The following PLCB4 variants were observed in gnomAD, a reference collection of about 807,000 sequenced individuals.
PLCB4 encodes phospholipase C beta 4.
PLCB4 carries 77 observed loss-of-function variants against 178.8 expected under a neutral mutation model. The observed-to-expected ratio is 0.43, with a 90% confidence interval of 0.36 to 0.52. PLCB4 has a LOEUF of 0.52. Among genes scored for constraint, PLCB4 ranks in the 20% least tolerant of loss-of-function variants. The pLI, the probability that PLCB4 is intolerant of heterozygous loss-of-function variation, is 0.00. For missense variants in PLCB4, 1,024 were observed against 1,453.4 expected, an observed-to-expected ratio of 0.70 and a Z score of 4.80; for synonymous variants, 496 against 490.8, an observed-to-expected ratio of 1.01 and a Z score of -0.14.
At chr20:9,203,782 T>TA (rs1480107401) in intron 2 of PLCB4, among the ~76,000 whole-genome samples, 12 of 42,350 alleles carry the variant, frequency 2.8e-4, no homozygotes, top group African/African-American at 2.1e-3. Flanking sequence ...ATAGTGTTTT[T>TA]TTTTTTTTTT....
In PLCB4 at chr20:9,347,372, T is replaced by C. The variant is rs184617870; in HGVS notation, c.369+8335T>C. 3.0e-4 allele frequency among the ~76,000 whole-genome samples: 45 copies of C among 152,316 alleles called. No individual in the cohort carries two copies. The East Asian group carries it at 7.7e-3, about 26-fold the overall frequency. On this transcript the variant is annotated intron_variant, in intron 7 of 39. Coordinates refer to ENST00000378473, the MANE Select transcript of PLCB4 (RefSeq NM_001377142.1). Reference sequence around the variant, plus strand: ...TTGGCAACTCATTTTTTAAACATTGTGCAAAATGACAAACATGTCTGTGGA... The same window carrying C: ...TTGGCAACTCATTTTTTAAACATTGCGCAAAATGACAAACATGTCTGTGGA...
At chr20:9,073,720 A>C (rs1349812901) in intron 1 of PLCB4, among the ~76,000 whole-genome samples, 1 of 151,988 alleles carries the variant, frequency 6.6e-6, no homozygotes, top group East Asian at 1.9e-4. Context: ...CAATTTATGC[A>C]AAAAATACCA....
intron 26 of PLCB4, 50 bp downstream of exon 26, chr20:9,419,959 C>A: frequency 1.8e-6 from 2 of 1,085,854 alleles, no homozygotes; most frequent in South Asian, 1.4e-5. Flanking sequence ...CACAAGTGGT[C>A]CTTGAAAGAA....
intron 3 of PLCB4, among the ~76,000 whole-genome samples, chr20:9,244,533 T>C (rs1399348091): frequency 6.6e-6 from 1 of 152,188 alleles, no homozygotes; most frequent in African/African-American, 2.4e-5. Flanking sequence ...AAAGGTAATA[T>C]TGGCCCCATA....
At position 9,170,127 on chromosome 20, in the gene PLCB4, C is replaced by G. The variant is rs148587073; in HGVS notation, c.-78-47263C>G. Among the ~76,000 whole-genome samples the G allele has an allele frequency of 5.4e-3, 826 of 152,260 alleles. 4 individuals are homozygous for G. Among genetic ancestry groups the G allele is most frequent in the Non-Finnish European group, 9.5e-3 (649 of 68,024 alleles). On this transcript the variant is annotated intron_variant, in intron 2 of 39. Transcript: ENST00000378473. ...CACCACCGGAGAAAGTTCCTGCATT[C>G]CTTCCCCAACCTTTACGTTCTTTTT...
chr20:9,408,052 G>T lies in PLCB4; in HGVS notation c.1783G>T (p.Ala595Ser), dbSNP rs752991809. 1.2e-6 allele frequency: 2 copies of T among 1,612,230 alleles called. 1 individual carries two copies. The change falls in exon 22 of 40, where the codon GCA (alanine) becomes TCA (serine). Residue 595 changes from alanine (A) to serine (S), a missense_variant. This residue lies in a region of PLCB4 where 263 missense variants were observed against 417.4 expected (regional missense o/e 0.63). Transcript: ENST00000378473. ...QPVKFQGFHV[A>S]EERNIHYNMS... Reference sequence around the variant, plus strand: ...TGTAAAGTTTCAAGGTTTCCATGTGGCAGAAGGTAACACCAAAGGTTAAAT... The same window carrying T: ...TGTAAAGTTTCAAGGTTTCCATGTGTCAGAAGGTAACACCAAAGGTTAAAT...
intron 15 of PLCB4, among the ~76,000 whole-genome samples, chr20:9,387,939 G>A (rs1295068783): frequency 6.6e-6 from 1 of 152,192 alleles, no homozygotes; most frequent in Non-Finnish European, 1.5e-5. Flanking sequence ...TGTAAATAGG[G>A]CCTACAAGAA....
chr20:9,264,056 TA>T (rs758256331), intron 3 of PLCB4, among the ~76,000 whole-genome samples: 7 of 152,204 alleles, frequency 4.6e-5, no homozygotes, highest in Non-Finnish European at 1.0e-4. Context: ...GTGGGCTAAA[TA>T]ACAAGTTTTG....
At position 9,473,383 on chromosome 20, in the gene PLCB4, C is replaced by G. The variant is rs147914533; in HGVS notation, c.3495+18C>G. 2.4e-5 allele frequency: 35 copies of G among 1,438,404 alleles called. No individual in the cohort carries two copies. The highest frequency in any genetic ancestry group is 3.3e-5 in the Non-Finnish European group (34 of 1,031,600). The allele number at this position is 1,438,404 out of a possible 1,614,324, so 89.1% of individuals were successfully genotyped here. ...ATGAGCAGGTATTTTACCTAAAATA[C>G]GTAAAAACATGCAGGCAGCTAGCCA... On this transcript the variant is annotated intron_variant, in intron 38 of 39. Transcript: ENST00000378473.
At chr20:9,194,664 G>A (rs1363747442) in intron 2 of PLCB4, among the ~76,000 whole-genome samples, 1 of 135,130 alleles carries the variant, frequency 7.4e-6, no homozygotes, top group Non-Finnish European at 1.5e-5. Flanking sequence ...CTGCACTCCA[G>A]CCTGGGCGAC....
intron 4 of PLCB4, among the ~76,000 whole-genome samples, chr20:9,331,624 AATC>A (rs1437298998): frequency 1.3e-5 from 2 of 152,230 alleles, no homozygotes; most frequent in African/African-American, 4.8e-5. Flanking sequence ...TATTGAACAG[AATC>A]ACTTTAAAAA....
intron 4 of PLCB4, among the ~76,000 whole-genome samples, chr20:9,325,599 G>C (rs952000149): frequency 2.6e-5 from 4 of 152,162 alleles, no homozygotes; most frequent in African/African-American, 9.7e-5. Context: ...CAGATCCGGA[G>C]TGTTCAGCCA....
chr20:9,180,698 C>T (rs2147087595), intron 2 of PLCB4, among the ~76,000 whole-genome samples: 1 of 152,202 alleles, frequency 6.6e-6, no homozygotes, highest in Non-Finnish European at 1.5e-5. Flanking sequence ...CTCAATTCCT[C>T]CCTTGGTTGA....
intron 19 of PLCB4, among the ~76,000 whole-genome samples, chr20:9,396,067 A>G (rs1164656579): frequency 6.6e-6 from 1 of 152,182 alleles, no homozygotes; most frequent in Non-Finnish European, 1.5e-5. Flanking sequence ...ATATTTTGGT[A>G]TTCTTGGTAT....
At chr20:9,071,633 T>C (rs1205859787) in intron 1 of PLCB4, among the ~76,000 whole-genome samples, 3 of 152,166 alleles carry the variant, frequency 2.0e-5, no homozygotes, top group Non-Finnish European at 2.9e-5. Context: ...ATTTTGCAGA[T>C]TATTAAAAAA....
Position 9,223,606 on chromosome 20 carries a change from C to A in PLCB4, c.-16+6154C>A, listed in dbSNP as rs574689471. On this transcript the variant is annotated intron_variant, in intron 3 of 39. Coordinates refer to ENST00000378473, the MANE Select transcript of PLCB4 (RefSeq NM_001377142.1). ...TTTCTATGTGGTCTCTCTTCATGGG[C>A]AGCTTTATTCTCATAGCATGGCAGC... 3.3e-5 allele frequency among the ~76,000 whole-genome samples: 5 copies of A among 152,334 alleles called. No individual in the cohort carries two copies. In the East Asian group the frequency reaches 9.7e-4, roughly 29 times the overall value.
At chr20:9,424,034 A>T in intron 28 of PLCB4, 82 bp downstream of exon 28, 1 of 900,276 alleles carries the variant, frequency 1.1e-6, no homozygotes, top group Non-Finnish European at 1.7e-6. Flanking sequence ...TCCATGCTTT[A>T]AAAAACAATA....
intron 2 of PLCB4, among the ~76,000 whole-genome samples, chr20:9,177,381 T>C (rs2093172817): frequency 6.6e-6 from 1 of 152,186 alleles, no homozygotes; most frequent in African/African-American, 2.4e-5. Context: ...AAACTACTGC[T>C]GTTAATTTGT....
At chr20:9,156,189 A>C (rs1002242304) in intron 2 of PLCB4, among the ~76,000 whole-genome samples, 5 of 152,168 alleles carry the variant, frequency 3.3e-5, no homozygotes, top group Non-Finnish European at 5.9e-5. Context: ...TGTTTCTGGA[A>C]GTCCTGTGGG....
Sources: gnomAD v4.1 joint callset for allele counts (sites outside exome capture counted in the v4.1 genomes callset) on GRCh38, gnomAD v4.1.1 for gene constraint, gnomAD v4.1.1 regional missense constraint, MANE v1.5 for transcripts, NCBI Gene and HGNC (gene_info 2026-07-23, HGNC 2026-07-21) for gene names.